MED24: variants seen among roughly 807,000 people sequenced by gnomAD.
The protein encoded by MED24 is mediator of RNA polymerase II transcription subunit 24.
A neutral mutation model predicts 118.8 loss-of-function variants in MED24; 74 were observed. The observed-to-expected ratio is 0.62, with a 90% confidence interval of 0.52 to 0.76. The LOEUF (loss-of-function observed/expected upper bound fraction) is 0.76. Ranked by LOEUF, MED24 falls within the 30% of genes least tolerant of loss-of-function variation. The pLI is 0.00. For synonymous variants in MED24, 521 were observed against 523.9 expected (o/e 0.99, Z 0.08); for missense variants, 1,041 against 1,278.9 (o/e 0.81, Z 2.84).
At chr17:40,046,724 C>A (rs559118421) in intron 3 of MED24, among the ~76,000 whole-genome samples, 2 of 149,150 alleles carry the variant, frequency 1.3e-5, no homozygotes, top group East Asian at 4.0e-4. Context: ...CCAGCCTGGG[C>A]GACAGAGCGA....
chr17:40,019,851 C>G lies in MED24; in HGVS notation c.2787G>C (p.Glu929Asp). Residue 929 changes from glutamate (E) to aspartate (D), a missense_variant, in exon 25 of 26, where the codon GAG becomes GAC. By Grantham distance (45) the Glu-to-Asp change is conservative. Around this residue, in one of 3 missense-constraint regions of MED24, gnomAD observed 587 missense variants for 694.4 expected, o/e 0.85. Transcript: ENST00000394128. Reference sequence around the variant, plus strand: ...CCTGCTCCAGGCAGTCCACACACTCCTCCATGAACCACTGCACGAACTGGG... The same window carrying G: ...CCTGCTCCAGGCAGTCCACACACTCGTCCATGAACCACTGCACGAACTGGG... ...PHTQFVQWFM[E>D]ECVDCLEQGG... is the part of the protein sequence containing the mutation. 6.3e-7 allele frequency: 1 copy of G among 1,596,262 alleles called. No homozygotes were observed. The highest frequency in any genetic ancestry group is 1.1e-5 in the South Asian group (1 of 88,730).
At chr17:40,028,184 C>A in intron 14 of MED24, 1 of 441,284 alleles carries the variant, frequency 2.3e-6, no homozygotes. Context: ...GGCACAATCT[C>A]AGCTCACTGC....
rs753467055 is a variant in MED24 at position 40,053,574 on chromosome 17, C to T, written c.25G>A (p.Ala9Thr). 3 of 1,614,142 alleles carry T rather than the reference C, an allele frequency of 1.9e-6. No homozygotes were observed. The highest frequency in any genetic ancestry group is 2.5e-6 in the Non-Finnish European group (3 of 1,180,032). ...CGCTCCTTCCAGGCTTGCAAAATGG[C>T]TTGCTTCAGGTTGACCACCTTCATT... MKVVNLKQ[A>T]ILQAWKERWS... Residue 9 changes from alanine to threonine, a missense_variant, in exon 2 of 26, where the codon GCC becomes ACC. Ala to Thr is a moderately conservative substitution (Grantham distance 58). Coordinates refer to ENST00000394128, the MANE Select transcript of MED24 (RefSeq NM_014815.4).
intron 14 of MED24, among the ~76,000 whole-genome samples, chr17:40,028,402 C>G (rs771461400): frequency 6.6e-6 from 1 of 152,220 alleles, no homozygotes; most frequent in Non-Finnish European, 1.5e-5. Context: ...GCGTGAGCCA[C>G]CGCACCCGGC....
chr17:40,037,803 A>G (rs895230305), intron 3 of MED24, among the ~76,000 whole-genome samples: 1 of 151,456 alleles, frequency 6.6e-6, no homozygotes, highest in African/African-American at 2.4e-5. Context: ...CCCAGCTACT[A>G]GGGAGGCTGA....
At chr17:40,032,627 G>T (rs1410358487) in intron 9 of MED24, 22 bp downstream of exon 9, 1 of 1,581,366 alleles carries the variant, frequency 6.3e-7, no homozygotes, top group Non-Finnish European at 8.7e-7. Flanking sequence ...GACTGGCTCT[G>T]CCCCTCCCAC....
intron 11 of MED24, 29 bp downstream of exon 11, chr17:40,031,509 A>G (rs1283670609): frequency 6.9e-6 from 11 of 1,598,750 alleles, no homozygotes; most frequent in Middle Eastern, 3.4e-4. Flanking sequence ...GCCTTCCAGT[A>G]GGGCGGGGGT....
rs1003117431 is a variant in MED24 at position 40,019,413 on chromosome 17, C to T, written c.*116G>A. 3 of 837,018 alleles carry T rather than the reference C, an allele frequency of 3.6e-6. No individual in the cohort carries two copies. In the East Asian group the frequency reaches 7.4e-5, roughly 21 times the overall value. The allele number at this position is 837,018 out of a possible 1,614,324, so 51.8% of individuals were successfully genotyped here. A position where few individuals can be genotyped will look rare whatever the true frequency, so the allele number is the denominator to read the frequency against. Reference sequence around the variant, plus strand: ...GGGGAACTGGAAGCCGCTAGAGGCTCTTGCACCATGTGGAGCGGATGTGAG... The same window carrying T: ...GGGGAACTGGAAGCCGCTAGAGGCTTTTGCACCATGTGGAGCGGATGTGAG... On this transcript the variant is annotated 3_prime_UTR_variant, in exon 26 of 26. Coordinates refer to ENST00000394128, the MANE Select transcript of MED24 (RefSeq NM_014815.4).
At chr17:40,046,720 T>C (rs1226431725) in intron 3 of MED24, among the ~76,000 whole-genome samples, 1 of 150,784 alleles carries the variant, frequency 6.6e-6, no homozygotes, top group African/African-American at 2.5e-5. Context: ...CACTCCAGCC[T>C]GGGCGACAGA....
intron 16 of MED24, 73 bp downstream of exon 16, chr17:40,027,310 G>C: frequency 6.8e-7 from 1 of 1,478,394 alleles, no homozygotes; most frequent in Non-Finnish European, 9.2e-7. Flanking sequence ...CGGGGGCGCA[G>C]GCAGTGAGGT....
chr17:40,037,662 A>G (rs1265299127), intron 3 of MED24, among the ~76,000 whole-genome samples: 1 of 152,220 alleles, frequency 6.6e-6, no homozygotes, highest in African/African-American at 2.4e-5. Flanking sequence ...CTGTAATCCC[A>G]GCACTTTGGG....
intron 3 of MED24, among the ~76,000 whole-genome samples, chr17:40,042,241 G>A (rs900114306): frequency 6.4e-4 from 97 of 152,146 alleles, no homozygotes; most frequent in African/African-American, 2.2e-3. Flanking sequence ...GTAACTTAAC[G>A]AATTGATTCT....
chr17:40,029,035 G>A (rs1270076264), intron 13 of MED24, 67 bp from the exon 14 acceptor site: 2 of 1,595,900 alleles, frequency 1.3e-6, no homozygotes, highest in Non-Finnish European at 1.7e-6. Flanking sequence ...ATACAGCCTA[G>A]CCACATTTTC....
At chr17:40,021,598 T>C (rs1226999944) in intron 23 of MED24, among the ~76,000 whole-genome samples, 1 of 151,854 alleles carries the variant, frequency 6.6e-6, no homozygotes, top group African/African-American at 2.4e-5. Flanking sequence ...GGAAGGAAGG[T>C]CAGAGCTGGT....
At chr17:40,022,904 G>C (rs1347059411) in intron 20 of MED24, 78 bp from the exon 21 acceptor site, 1 of 1,531,012 alleles carries the variant, frequency 6.5e-7, no homozygotes. Flanking sequence ...ACCCCAGCAT[G>C]GCTGTCCAGT....
intron 23 of MED24, chr17:40,021,299 A>G (rs889941033): frequency 6.6e-6 from 1 of 152,346 alleles, no homozygotes; most frequent in Non-Finnish European, 1.5e-5. Flanking sequence ...TAAAGGTCAC[A>G]GCACTTGTAG....
intron 3 of MED24, among the ~76,000 whole-genome samples, chr17:40,043,337 T>C (rs1984755079): frequency 6.6e-6 from 1 of 152,096 alleles, no homozygotes; most frequent in South Asian, 2.1e-4. Context: ...GGCTCACCAA[T>C]TGTTGTGCTG....
chr17:40,025,018 G>A (rs1029006673), intron 19 of MED24, among the ~76,000 whole-genome samples: 2 of 152,170 alleles, frequency 1.3e-5, no homozygotes, highest in Non-Finnish European at 2.9e-5. Context: ...TTGCAGGCGT[G>A]AGCCACCACG....
chr17:40,052,160 G>T (rs539588002), intron 3 of MED24, among the ~76,000 whole-genome samples: 1 of 151,930 alleles, frequency 6.6e-6, no homozygotes, highest in Non-Finnish European at 1.5e-5. Flanking sequence ...AGGCGTGATG[G>T]CAGGCACCTG....
Sources: allele counts gnomAD v4.1 joint callset (sites outside exome capture counted in the v4.1 genomes callset), GRCh38; gene constraint gnomAD v4.1.1; regional missense constraint gnomAD v4.1.1; transcripts MANE v1.5; gene names NCBI Gene and HGNC (gene_info 2026-07-23, HGNC 2026-07-21).